RANBP2: variants seen among roughly 807,000 people sequenced by gnomAD.
The protein encoded by RANBP2 is E3 SUMO-protein ligase RanBP2.
RANBP2 carries 57 observed loss-of-function variants against 303.6 expected under a neutral mutation model. The observed-to-expected ratio is 0.19, with a 90% CI of 0.15 to 0.23. The LOEUF is 0.23. Among genes scored for constraint, RANBP2 ranks in the 10% least tolerant of loss-of-function variants. The probability of loss-of-function intolerance (pLI) is 1.00; values close to 1 mark genes in which losing one functional copy is unlikely to be tolerated. For synonymous variants in RANBP2, 1,167 were observed against 1,301.5 expected, an observed-to-expected ratio of 0.90 and a Z score of 2.23; for missense variants, 3,138 against 3,780.8, an observed-to-expected ratio of 0.83 and a Z score of 4.46.
At chr2:109,380,323 C>G in the RANBP2 span, among the ~76,000 whole-genome samples, 1 of 152,184 alleles carries the variant, frequency 6.6e-6, no homozygotes, top group Non-Finnish European at 1.5e-5. Flanking sequence ...TTTTGTCTCC[C>G]TAAGCCCCTT....
chr2:108,810,387 G>A, the RANBP2 span, among the ~76,000 whole-genome samples: 3 of 152,112 alleles, frequency 2.0e-5, no homozygotes, highest in African/African-American at 7.2e-5. Context: ...TACTTTTTCT[G>A]TGTCTATTGA....
At chr2:108,792,854 G>A in the RANBP2 span, among the ~76,000 whole-genome samples, 1 of 152,050 alleles carries the variant, frequency 6.6e-6, no homozygotes, top group East Asian at 1.9e-4. Flanking sequence ...CACGAGGTCA[G>A]GAGATCGAGA....
chr2:109,306,964 TGCTTGCC>T, the RANBP2 span, among the ~76,000 whole-genome samples: 1 of 152,222 alleles, frequency 6.6e-6, no homozygotes, highest in Admixed American at 6.5e-5. Context: ...TTTGCTCAAT[TGCTTGCC>T]GCTTGGCATG....
At chr2:109,099,089 G>A in the RANBP2 span, among the ~76,000 whole-genome samples, 6 of 152,204 alleles carry the variant, frequency 3.9e-5, no homozygotes, top group Middle Eastern at 3.2e-3. Flanking sequence ...AGAAAGGAAC[G>A]AGTGGAACAG....
chr2:109,672,215 G>A, the RANBP2 span, among the ~76,000 whole-genome samples: 103 of 152,290 alleles, frequency 6.8e-4, no homozygotes, highest in African/African-American at 2.5e-3. Context: ...TGCATTGTAA[G>A]TTGTTATTCA....
chr2:109,203,853 CCTA>C, the RANBP2 span, among the ~76,000 whole-genome samples: 7 of 152,184 alleles, frequency 4.6e-5, no homozygotes, highest in Admixed American at 2.6e-4. Context: ...TGCCTCGCTA[CCTA>C]CCCCTGGGCC....
At chr2:108,846,676 C>CAA in the RANBP2 span, 1 of 1,417,358 alleles carries the variant, frequency 7.1e-7, no homozygotes, top group Non-Finnish European at 9.7e-7. Flanking sequence ...GACTGTGTCT[C>CAA]AAAAAAAAAG....
At chr2:109,684,988 C>T in the RANBP2 span, among the ~76,000 whole-genome samples, 3 of 152,182 alleles carry the variant, frequency 2.0e-5, no homozygotes, top group South Asian at 6.2e-4. Flanking sequence ...ATTCTCCAGC[C>T]TCAGCCTCCC....
the RANBP2 span, chr2:109,141,598 A>G: frequency 1.3e-5 from 2 of 154,918 alleles, no homozygotes; most frequent in African/African-American, 4.8e-5. Context: ...ACTTTTCTCT[A>G]TCGTGAAATC....
chr2:109,113,680 G>A, the RANBP2 span, among the ~76,000 whole-genome samples: 1 of 152,292 alleles, frequency 6.6e-6, no homozygotes, highest in Admixed American at 6.5e-5. Flanking sequence ...TGTTGAATAG[G>A]AGCGGTGAGA....
the RANBP2 span, among the ~76,000 whole-genome samples, chr2:109,535,956 A>C: frequency 5.9e-4 from 89 of 151,198 alleles, no homozygotes; most frequent in Admixed American, 1.2e-3. Flanking sequence ...GCAAGTGCAC[A>C]GAAGTCAAGA....
chr2:108,793,306 C>T, the RANBP2 span, among the ~76,000 whole-genome samples: 2 of 152,170 alleles, frequency 1.3e-5, no homozygotes, highest in East Asian at 3.9e-4. Flanking sequence ...GCACTCCAGC[C>T]TGGGCGACAG....
the RANBP2 span, among the ~76,000 whole-genome samples, chr2:109,020,584 G>A: frequency 6.6e-6 from 1 of 152,220 alleles, no homozygotes; most frequent in Non-Finnish European, 1.5e-5. Flanking sequence ...ATTGGATCCA[G>A]ATGGGAAGAA....
chr2:109,269,500 G>C, the RANBP2 span, among the ~76,000 whole-genome samples: 1 of 152,204 alleles, frequency 6.6e-6, no homozygotes, highest in African/African-American at 2.4e-5. Flanking sequence ...TAGTTGCCAA[G>C]CCAGGCGTGG....
the RANBP2 span, among the ~76,000 whole-genome samples, chr2:108,808,024 A>G: frequency 1.3e-5 from 2 of 152,114 alleles, no homozygotes; most frequent in East Asian, 1.9e-4. Flanking sequence ...TGTGAGATCA[A>G]CTTGTTTTTT....
the RANBP2 span, among the ~76,000 whole-genome samples, chr2:109,133,137 G>A: frequency 3.3e-5 from 5 of 152,320 alleles, no homozygotes; most frequent in East Asian, 1.9e-4. Flanking sequence ...GAAGGTACCC[G>A]TGGGCACTGA....
At chr2:109,155,080 C>T in the RANBP2 span, among the ~76,000 whole-genome samples, 38 of 152,254 alleles carry the variant, frequency 2.5e-4, no homozygotes, top group East Asian at 3.9e-3. Context: ...GGCCTCCCTC[C>T]GGGCCAGGGC....
chr2:109,213,811 T>A, the RANBP2 span, among the ~76,000 whole-genome samples: 2 of 152,038 alleles, frequency 1.3e-5, no homozygotes, highest in Non-Finnish European at 1.5e-5. Flanking sequence ...TGGTGTGGTG[T>A]GGTGGATGGG....
chr2:109,174,666 A>G, the RANBP2 span, among the ~76,000 whole-genome samples: 1 of 152,248 alleles, frequency 6.6e-6, no homozygotes, highest in Non-Finnish European at 1.5e-5. Context: ...TAAATGTAAT[A>G]TATTTGGAAG....
Sources: allele counts gnomAD v4.1 joint callset (sites outside exome capture counted in the v4.1 genomes callset), GRCh38; gene constraint gnomAD v4.1.1; transcripts MANE v1.5; gene names NCBI Gene and HGNC (gene_info 2026-07-23, HGNC 2026-07-21).